Variants in ATF7 observed in about 807,000 individuals in gnomAD.
ATF7 encodes the protein activating transcription factor 7, also known as cyclic AMP-dependent transcription factor ATF-7.
A neutral mutation model predicts 50.4 loss-of-function variants in ATF7; 10 were observed. The ratio of observed to expected loss-of-function variants is 0.20; its 90% CI spans 0.12 to 0.34. The LOEUF (loss-of-function observed/expected upper bound fraction) is 0.34, where lower values mean the gene tolerates loss of function less well. Ranked by LOEUF, ATF7 falls within the 10% of genes least tolerant of loss-of-function variation. The probability of loss-of-function intolerance (pLI) is 1.00; values close to 1 mark genes in which losing one functional copy is unlikely to be tolerated. For synonymous variants in ATF7, 201 were observed against 226.4 expected (o/e 0.89, Z 1.01); for missense variants, 465 against 613.9 (o/e 0.76, Z 2.56).
intron 4 of ATF7, among the ~76,000 whole-genome samples, chr12:53,542,567 C>T (rs1449132119): frequency 6.6e-6 from 1 of 152,212 alleles, no homozygotes; most frequent in African/African-American, 2.4e-5. Context: ...GCTAGGACTA[C>T]AGGCATGCAC....
chr12:53,618,777 C>T (rs1043889045), intron 1 of ATF7, among the ~76,000 whole-genome samples: 1 of 151,972 alleles, frequency 6.6e-6, no homozygotes, highest in Non-Finnish European at 1.5e-5. Flanking sequence ...TAGGGTCGGA[C>T]GCGATGGTTC....
chr12:53,561,093 G>A (rs1260452087), intron 2 of ATF7, among the ~76,000 whole-genome samples: 2 of 151,420 alleles, frequency 1.3e-5, no homozygotes, highest in Non-Finnish European at 2.9e-5. Context: ...CTACAGGTTC[G>A]CACCACCATG....
At chr12:53,596,405 T>A (rs1943158813) in intron 2 of ATF7, among the ~76,000 whole-genome samples, 1 of 152,178 alleles carries the variant, frequency 6.6e-6, no homozygotes. Context: ...ATGAGTAGTA[T>A]CTCCTCAGAG....
chr12:53,612,896 C>T (rs796313836), intron 1 of ATF7, among the ~76,000 whole-genome samples: 63 of 152,032 alleles, frequency 4.1e-4, no homozygotes, highest in African/African-American at 9.9e-4. Flanking sequence ...CCCTGCTACT[C>T]GGGAGGCTGA....
intron 11 of ATF7, among the ~76,000 whole-genome samples, chr12:53,520,927 C>G (rs1938084730): frequency 6.6e-6 from 1 of 152,104 alleles, no homozygotes; most frequent in Non-Finnish European, 1.5e-5. Flanking sequence ...CCGTAACAGC[C>G]CCTAAGTGGA....
Position 53,532,501 on chromosome 12 carries a change from T to C in ATF7, c.774+9A>G. ...AGGCCAACATTGCCCCAGACTGGGA[T>C]GTACTCACCATCTTGGCTTCTGATG... On this transcript the variant is annotated intron_variant, in intron 8 of 11. Transcript: ENST00000420353. The C allele has an allele frequency of 6.4e-7, 1 of 1,568,062 alleles. No homozygotes were observed. Among genetic ancestry groups the C allele is most frequent in the Non-Finnish European group, 8.7e-7 (1 of 1,149,570 alleles).
At chr12:53,592,468 A>G (rs1480696392) in intron 2 of ATF7, among the ~76,000 whole-genome samples, 1 of 152,224 alleles carries the variant, frequency 6.6e-6, no homozygotes, top group South Asian at 2.1e-4. Flanking sequence ...TTGTATGTCA[A>G]TTCTTCAAGA....
intron 3 of ATF7, 40 bp downstream of exon 3, chr12:53,552,501 T>G (rs747223068): frequency 1.9e-5 from 29 of 1,494,376 alleles, no homozygotes; most frequent in Non-Finnish European, 2.4e-5. Flanking sequence ...CTTAACTGCC[T>G]GGTGGTATCA....
chr12:53,516,256 A>T lies in ATF7; in HGVS notation c.*881T>A. On this transcript the variant is annotated 3_prime_UTR_variant, in exon 12 of 12. Transcript: ENST00000420353. ...GCCCTGATGGTTAAACTAAAGAAGGAGGGAGGGGAGGAGACAGAATCAGCC... is the reference window on the plus strand; with the variant it reads ...GCCCTGATGGTTAAACTAAAGAAGGTGGGAGGGGAGGAGACAGAATCAGCC... The T allele has an allele frequency of 6.6e-6, 1 of 152,154 alleles. No homozygotes were observed. The highest frequency in any genetic ancestry group is 1.5e-5 in the Non-Finnish European group (1 of 68,026). 9.4% of individuals were successfully genotyped at this position (152,154 alleles called of 1,614,324 possible).
intron 2 of ATF7, among the ~76,000 whole-genome samples, chr12:53,587,425 G>C (rs972726612): frequency 6.8e-6 from 1 of 146,110 alleles, no homozygotes; most frequent in Admixed American, 7.0e-5. Flanking sequence ...AGCACTTTGA[G>C]AGGCTGAGAT....
chr12:53,523,290 G>C lies in ATF7; in HGVS notation c.1220C>G (p.Thr407Ser), dbSNP rs1938236584. ...GTGCCACTCACCTAAATAGCCTTGA[G>C]TCTTTTTCTGTAGTGCAGTGACTGG... ...DCPVTALQKK[T>S]QGYLESPKES... The change falls in exon 11 of 12, where the codon ACT becomes AGT. Residue 407 changes from threonine (T) to serine (S), a missense_variant. By Grantham distance (58) the Thr-to-Ser change is moderately conservative (BLOSUM62 1). Coordinates refer to ENST00000420353, the MANE Select transcript of ATF7 (RefSeq NM_006856.3). 2.5e-6 allele frequency: 4 copies of C among 1,612,516 alleles called. No individual in the cohort carries two copies. Among genetic ancestry groups the C allele is most frequent in the Non-Finnish European group, 3.4e-6 (4 of 1,178,780 alleles).
At chr12:53,605,685 A>G (rs1758639089) in intron 1 of ATF7, among the ~76,000 whole-genome samples, 1 of 152,196 alleles carries the variant, frequency 6.6e-6, no homozygotes, top group Non-Finnish European at 1.5e-5. Flanking sequence ...TATTAAAGGA[A>G]AATGAAATTG....
chr12:53,600,781 C>T (rs373356880), intron 2 of ATF7, 172 bp downstream of exon 2: 35 of 582,998 alleles, frequency 6.0e-5, no homozygotes, highest in East Asian at 3.6e-4. Context: ...GATTTCATTA[C>T]GGTAGAGTGC....
In ATF7 at chr12:53,517,077, A is replaced by G. The variant is rs1255052988; in HGVS notation, c.*60T>C. On this transcript the variant is annotated 3_prime_UTR_variant, in exon 12 of 12. Coordinates refer to ENST00000420353, the MANE Select transcript of ATF7 (RefSeq NM_006856.3). The stretch of plus-strand genomic sequence containing the variant: ...GGCAGATGGGAGGGGATAAGATGAC[A>G]TCTCTCTTGGCTCTTGGGCGGGCGA... The G allele has an allele frequency of 3.2e-6, 5 of 1,562,448 alleles. No individual in the cohort carries two copies. In the East Asian group the frequency reaches 9.0e-5, roughly 28 times the overall value.
intron 2 of ATF7, among the ~76,000 whole-genome samples, chr12:53,587,843 A>ATATATATATATATATATATTTT: frequency 7.3e-4 from 45 of 61,536 alleles, no homozygotes; most frequent in Non-Finnish European, 1.1e-3. Context: ...ATATATATAT[A>ATATATATATATATATATATTTT]TTTTTTTTTT....
intron 2 of ATF7, among the ~76,000 whole-genome samples, chr12:53,557,611 T>C (rs1268807783): frequency 6.6e-6 from 1 of 152,200 alleles, no homozygotes; most frequent in Non-Finnish European, 1.5e-5. Context: ...GCCCTCACTG[T>C]AGGGTAAATA....
intron 1 of ATF7, among the ~76,000 whole-genome samples, chr12:53,606,527 C>T (rs956417933): frequency 6.6e-6 from 1 of 152,166 alleles, no homozygotes; most frequent in African/African-American, 2.4e-5. Flanking sequence ...GGATTACAGA[C>T]ATGAGCCACT....
At chr12:53,572,474 C>A (rs1359151441) in intron 2 of ATF7, among the ~76,000 whole-genome samples, 2 of 152,168 alleles carry the variant, frequency 1.3e-5, no homozygotes, top group Non-Finnish European at 2.9e-5. Flanking sequence ...GAGGAGCCCC[C>A]ACACCGTTGT....
chr12:53,600,711 C>A, intron 2 of ATF7: 1 of 399,380 alleles, frequency 2.5e-6, no homozygotes, highest in Non-Finnish European at 4.6e-6. Flanking sequence ...ATGTATTTTT[C>A]CATACTGTGT....
Sources: gnomAD v4.1 joint callset for allele counts (sites outside exome capture counted in the v4.1 genomes callset) on GRCh38, gnomAD v4.1.1 for gene constraint, MANE v1.5 for transcripts, NCBI Gene and HGNC (gene_info 2026-07-23, HGNC 2026-07-21) for gene names.